The following ABLIM2 variants were observed in gnomAD, a reference collection of about 807,000 sequenced individuals.
The protein encoded by ABLIM2 is actin-binding LIM protein 2.
In ABLIM2, 53 loss-of-function variants were observed where a neutral mutation model predicts 97.7. The ratio of observed to expected loss-of-function variants is 0.54; its 90% CI spans 0.44 to 0.68. The LOEUF is 0.68. Ranked by LOEUF, ABLIM2 falls within the 30% of genes least tolerant of loss-of-function variation. The pLI is 0.00. For synonymous variants in ABLIM2, 361 were observed against 345.8 expected (o/e 1.04, Z -0.49); for missense variants, 835 against 867.2 (o/e 0.96, Z 0.47).
At position 8,088,041 on chromosome 4, in the gene ABLIM2, C is replaced by G. The variant is rs988767521; in HGVS notation, c.454+128G>C. On this transcript the variant is annotated intron_variant, in intron 4 of 20. Coordinates refer to ENST00000447017, the MANE Select transcript of ABLIM2 (RefSeq NM_001130083.2). ...CCCTATACTCAGCACCGCCCCCACTCAGCGCCCCCCAGCACCTCCCACTCA... is the reference window on the plus strand; with the variant it reads ...CCCTATACTCAGCACCGCCCCCACTGAGCGCCCCCCAGCACCTCCCACTCA... 6 of 372,882 alleles carry G rather than the reference C, an allele frequency of 1.6e-5. No individual in the cohort carries two copies. In the Admixed American group the frequency reaches 2.4e-4, roughly 15 times the overall value. 23.1% of individuals were successfully genotyped at this position (372,882 alleles called of 1,614,324 possible).
rs890116486 is a variant in ABLIM2, at chr4:8,004,312, C to T, written c.1618+3747G>A. Among the ~76,000 whole-genome samples the T allele has an allele frequency of 1.3e-5, 2 of 152,076 alleles. No homozygotes were observed. Among genetic ancestry groups the T allele is most frequent in the Non-Finnish European group, 2.9e-5 (2 of 68,016 alleles). On this transcript the variant is annotated intron_variant, in intron 16 of 20. Transcript: ENST00000447017. This position sits in a 1 kb window ranked among gnomAD's most constrained non-coding sequence, Gnocchi z 5.9. ...CCACAGGCAGGTTGGGGGTGAAGTG[C>T]CCCCAACTGGGGCCTCCCCTGTGCT...
At chr4:7,997,888 CTTTTTTT>C (rs1264624649) in intron 16 of ABLIM2, among the ~76,000 whole-genome samples, 2 of 147,050 alleles carry the variant, frequency 1.4e-5, no homozygotes, top group Non-Finnish European at 3.0e-5. Flanking sequence ...TTCTTTTTTT[CTTTTTTT>C]TTTGAGATGG....
Position 7,983,279 on chromosome 4 carries a change from G to T in ABLIM2, c.1809C>A (p.Asp603Glu). The stretch of plus-strand genomic sequence containing the variant: ...CCCCGCTTACCTCCAGTCTCGTCCG[G>T]TCCACGTCTTTGGGCAGTTTCACGC... The part of the protein sequence containing the change: ...RIRVKLPKDV[D>E]RTRLERHLSP... The change falls in exon 20 of 21, where the codon GAC (aspartate) becomes GAA (glutamate). Residue 603 changes from aspartate to glutamate, a missense_variant. Asp to Glu is a conservative substitution (Grantham distance 45). Transcript: ENST00000447017. 6.2e-7 allele frequency: 1 copy of T among 1,611,658 alleles called. No individual in the cohort carries two copies. Among genetic ancestry groups the T allele is most frequent in the African/African-American group, 1.3e-5 (1 of 74,984 alleles).
chr4:8,024,767 T>A (rs1776246646), intron 12 of ABLIM2, among the ~76,000 whole-genome samples: 1 of 152,212 alleles, frequency 6.6e-6, no homozygotes, highest in African/African-American at 2.4e-5. Flanking sequence ...GCCAGTGGCT[T>A]CTCTTCTGAG....
In ABLIM2 at chr4:8,054,665, G is replaced by GC. The variant is rs1797978400; in HGVS notation, c.764-420dup. Among the ~76,000 whole-genome samples the GC allele has an allele frequency of 2.6e-5, 4 of 152,240 alleles. No homozygotes were observed. The South Asian group carries it at 8.3e-4, about 31-fold the overall frequency. Reference sequence around the variant, plus strand: ...TTGAGGGCAATGGCTGGGCCCACCTGCAGAGACAGCTGGTGCTGCAACCTG... The same window carrying GC: ...TTGAGGGCAATGGCTGGGCCCACCTGCCAGAGACAGCTGGTGCTGCAACCTG... On this transcript the variant is annotated intron_variant, in intron 7 of 20. Coordinates refer to ENST00000447017, the MANE Select transcript of ABLIM2 (RefSeq NM_001130083.2). The surrounding 1 kb of genome is among the most constrained non-coding windows in gnomAD (Gnocchi z 4.9).
At chr4:7,987,580 T>A (rs1745382771) in intron 17 of ABLIM2, among the ~76,000 whole-genome samples, 1 of 152,172 alleles carries the variant, frequency 6.6e-6, no homozygotes, top group Non-Finnish European at 1.5e-5. Context: ...TGCCCCCTAG[T>A]GCCCATCGCT....
At chr4:8,077,005 TGGG>T (rs1816631629) in intron 6 of ABLIM2, among the ~76,000 whole-genome samples, 4 of 14,566 alleles carry the variant, frequency 2.7e-4, no homozygotes, top group African/African-American at 9.6e-4. Context: ...GGCTGCAGGA[TGGG>T]GGTTGGGGGT....
rs879375934 is a variant in ABLIM2, at chr4:8,001,472, C to T, written c.1618+6587G>A. 1.2e-3 allele frequency among the ~76,000 whole-genome samples: 176 copies of T among 152,270 alleles called. No homozygotes were observed. The highest frequency in any genetic ancestry group is 2.1e-3 in the Non-Finnish European group (143 of 67,992). On this transcript the variant is annotated intron_variant, in intron 16 of 20. Transcript: ENST00000447017. The surrounding 1 kb of genome is among the most constrained non-coding windows in gnomAD (Gnocchi z 4.2). ...GGGCTCCAGAGCCCAGCATGCTCTG[C>T]CTGGGGCCACTGTCCTCGGGGTGGT...
rs1848709413 is a variant in ABLIM2 at position 8,128,061 on chromosome 4, C to G, written c.11-21424G>C. Among the ~76,000 whole-genome samples the G allele has an allele frequency of 6.6e-6, 1 of 152,196 alleles. No homozygotes were observed. The highest frequency in any genetic ancestry group is 2.4e-5 in the African/African-American group (1 of 41,456). ...CTGACATGAAGGTGCCAGCAGGACC[C>G]TGCTCTTCACAGGGGTATAGGGAGC... On this transcript the variant is annotated intron_variant, in intron 1 of 20. Coordinates refer to ENST00000447017, the MANE Select transcript of ABLIM2 (RefSeq NM_001130083.2). The surrounding 1 kb of genome is among the most constrained non-coding windows in gnomAD (Gnocchi z 4.9).
chr4:8,154,498 T>C (rs1486259387), intron 1 of ABLIM2, among the ~76,000 whole-genome samples: 2 of 151,204 alleles, frequency 1.3e-5, no homozygotes, highest in African/African-American at 4.9e-5. Flanking sequence ...GCCAGGATGG[T>C]CTCAATCTCC....
At chr4:8,143,093 CATGGCTA>C (rs1003132264) in intron 1 of ABLIM2, among the ~76,000 whole-genome samples, 1 of 147,644 alleles carries the variant, frequency 6.8e-6, no homozygotes, top group Non-Finnish European at 1.5e-5. Flanking sequence ...CCCCTTCCTT[CATGGCTA>C]AACGTCTTGA....
At chr4:8,105,979 T>C (rs1183578768) in intron 2 of ABLIM2, among the ~76,000 whole-genome samples, 3 of 152,066 alleles carry the variant, frequency 2.0e-5, no homozygotes, top group Non-Finnish European at 2.9e-5. Context: ...TTCAGGATGA[T>C]TGGAATTTAG....
At chr4:8,094,521 T>C (rs574771077) in intron 3 of ABLIM2, among the ~76,000 whole-genome samples, 1 of 152,310 alleles carries the variant, frequency 6.6e-6, no homozygotes, top group Admixed American at 6.5e-5. Flanking sequence ...GGGGGCTGCA[T>C]GCACCGGTAA....
intron 10 of ABLIM2, among the ~76,000 whole-genome samples, chr4:8,034,735 G>C: frequency 1.1e-5 from 1 of 87,702 alleles, no homozygotes; most frequent in Non-Finnish European, 2.3e-5. Flanking sequence ...GGGTGCAGGT[G>C]GGTGGGTAGT....
intron 1 of ABLIM2, among the ~76,000 whole-genome samples, chr4:8,153,658 A>G (rs1214574412): frequency 6.6e-6 from 1 of 152,238 alleles, no homozygotes; most frequent in Non-Finnish European, 1.5e-5. Flanking sequence ...GTGGCCCTGC[A>G]GAACGGAATC....
Position 8,113,580 on chromosome 4 carries a change from A to T in ABLIM2, c.11-6943T>A, listed in dbSNP as rs1332672288. 1.3e-5 allele frequency among the ~76,000 whole-genome samples: 2 copies of T among 152,162 alleles called. No homozygotes were observed. Among genetic ancestry groups the T allele is most frequent in the African/African-American group, 4.8e-5 (2 of 41,426 alleles). On this transcript the variant is annotated intron_variant, in intron 1 of 20. Coordinates refer to ENST00000447017, the MANE Select transcript of ABLIM2 (RefSeq NM_001130083.2). This position sits in a 1 kb window ranked among gnomAD's most constrained non-coding sequence, Gnocchi z 4.5. Reference sequence around the variant, plus strand: ...TTGCTCTGGAGGTAAATCCACCTTGAGAATGGGCAGGGGACCCCCTTGTGT... The same window carrying T: ...TTGCTCTGGAGGTAAATCCACCTTGTGAATGGGCAGGGGACCCCCTTGTGT...
At chr4:8,096,256 T>C (rs1398045823) in intron 3 of ABLIM2, among the ~76,000 whole-genome samples, 2 of 152,250 alleles carry the variant, frequency 1.3e-5, no homozygotes, top group Non-Finnish European at 2.9e-5. Context: ...TTGTTGATGG[T>C]GGCTGGACAA....
At position 8,073,071 on chromosome 4, in the gene ABLIM2, T is replaced by C. The variant is rs569520593; in HGVS notation, c.675+4557A>G. 3.9e-5 allele frequency among the ~76,000 whole-genome samples: 6 copies of C among 151,928 alleles called. No homozygotes were observed. The South Asian group carries it at 1.2e-3, about 32-fold the overall frequency. On this transcript the variant is annotated intron_variant, in intron 6 of 20. Transcript: ENST00000447017. ...GACTTCCATACCAGGCTGCTGTTTT[T>C]AACGGGAGAGATGAACACTCTCTAA... is the stretch of plus-strand genomic sequence containing the variant.
chr4:8,111,299 G>A (rs2152795084), intron 1 of ABLIM2, among the ~76,000 whole-genome samples: 1 of 152,336 alleles, frequency 6.6e-6, no homozygotes, highest in African/African-American at 2.4e-5. Flanking sequence ...GCAAAATGAA[G>A]GAGACAGTAA....
Sources: gnomAD v4.1 joint callset for allele counts (sites outside exome capture counted in the v4.1 genomes callset) on GRCh38, gnomAD v4.1.1 for gene constraint, Gnocchi (gnomAD v3.1) non-coding constraint, MANE v1.5 for transcripts, NCBI Gene and HGNC (gene_info 2026-07-23, HGNC 2026-07-21) for gene names.